The following SGIP1 variants were observed in gnomAD, a reference collection of about 807,000 sequenced individuals.
SGIP1 encodes the protein SH3GL interacting endocytic adaptor 1.
SGIP1 carries 38 observed loss-of-function variants against 107.5 expected under a neutral mutation model. The observed-to-expected ratio is 0.35, with a 90% CI of 0.27 to 0.46. SGIP1 has a LOEUF of 0.46. Among genes scored for constraint, SGIP1 ranks in the 20% least tolerant of loss-of-function variants. SGIP1 has a pLI of 1.00. For missense variants in SGIP1, 929 were observed against 1,019.5 expected (o/e 0.91, Z 1.21); for synonymous variants, 365 against 366.1 (o/e 1.00, Z 0.03).
intron 1 of SGIP1, among the ~76,000 whole-genome samples, chr1:66,608,303 T>G (rs976222041): frequency 6.6e-6 from 1 of 152,238 alleles, no homozygotes; most frequent in Non-Finnish European, 1.5e-5. Context: ...TTTCACAGAA[T>G]CTTATTTTCT....
intron 2 of SGIP1, 50 bp downstream of exon 2, chr1:66,625,960 A>T (rs1359463564): frequency 6.9e-7 from 1 of 1,439,084 alleles, no homozygotes; most frequent in East Asian, 2.3e-5. Flanking sequence ...TGCATAAGAG[A>T]TGCTCTTATC....
chr1:66,700,469 C>A (rs2091740518), intron 18 of SGIP1, among the ~76,000 whole-genome samples: 1 of 151,886 alleles, frequency 6.6e-6, no homozygotes, highest in Admixed American at 6.6e-5. Flanking sequence ...CTCATTCAGT[C>A]CTTGCAACAA....
chr1:66,567,212 A>T (rs12034344), intron 1 of SGIP1, among the ~76,000 whole-genome samples: 21,545 of 152,112 alleles, frequency 0.14, 1,946 homozygotes, highest in East Asian at 0.32. Context: ...GACTGGTGTG[A>T]GATGGTATCT....
intron 11 of SGIP1, 111 bp from the exon 12 acceptor site, chr1:66,673,170 T>TGC: frequency 1.9e-6 from 2 of 1,050,260 alleles, no homozygotes; most frequent in African/African-American, 1.6e-5. Context: ...CATGCACTGG[T>TGC]GCACACACAC....
chr1:66,721,922 T>C (rs1441311119), intron 19 of SGIP1, among the ~76,000 whole-genome samples: 2 of 152,168 alleles, frequency 1.3e-5, no homozygotes, highest in Admixed American at 6.5e-5. Context: ...GTCACTCTTC[T>C]GCTCAAAATC....
intron 1 of SGIP1, among the ~76,000 whole-genome samples, chr1:66,624,165 G>A (rs1009994580): frequency 2.0e-5 from 3 of 152,076 alleles, no homozygotes; most frequent in Non-Finnish European, 4.4e-5. Flanking sequence ...TGCTGAATAT[G>A]GCATTCATTG....
intron 1 of SGIP1, among the ~76,000 whole-genome samples, chr1:66,545,094 A>G (rs1422916861): frequency 1.3e-5 from 2 of 152,168 alleles, no homozygotes; most frequent in Admixed American, 1.3e-4. Flanking sequence ...ACATCTGATC[A>G]GACCTTGCTG....
chr1:66,731,175 A>G lies in SGIP1; in HGVS notation c.1898+1756A>G, dbSNP rs147348413. 9.1e-4 allele frequency among the ~76,000 whole-genome samples: 139 copies of G among 152,284 alleles called. No individual in the cohort carries two copies. In the East Asian group the frequency reaches 0.025, roughly 27 times the overall value. On this transcript the variant is annotated intron_variant, in intron 20 of 24. Coordinates refer to ENST00000371037, the MANE Select transcript of SGIP1 (RefSeq NM_032291.4). Reference sequence around the variant, plus strand: ...TTCTTCATTCATCCATCTCCCCCACAAGACTGTGCAAACCGTGAGGGAATG... The same window carrying G: ...TTCTTCATTCATCCATCTCCCCCACGAGACTGTGCAAACCGTGAGGGAATG...
chr1:66,576,912 G>A (rs1439630133), intron 1 of SGIP1, among the ~76,000 whole-genome samples: 1 of 152,190 alleles, frequency 6.6e-6, no homozygotes, highest in Non-Finnish European at 1.5e-5. Flanking sequence ...CCCAAGCAGA[G>A]CTGCTGCCTG....
At chr1:66,698,879 T>G (rs7529763) in intron 18 of SGIP1, among the ~76,000 whole-genome samples, 23,635 of 151,372 alleles carry the variant, frequency 0.16, 2,012 homozygotes, top group East Asian at 0.28. Flanking sequence ...TTAGCTTTTT[T>G]AACTACAAAA....
At chr1:66,675,541 C>CT (rs71242802) in intron 12 of SGIP1, among the ~76,000 whole-genome samples, 2,600 of 112,334 alleles carry the variant, frequency 0.023, 96 homozygotes, top group Non-Finnish European at 0.032. Context: ...CTTTTTCTTT[C>CT]TTTTTTTTTT....
At chr1:66,643,435 T>A in intron 6 of SGIP1, 109 bp from the exon 7 acceptor site, 1 of 827,278 alleles carries the variant, frequency 1.2e-6, no homozygotes. Context: ...TTGCTTTGAT[T>A]TTCTGCCATC....
chr1:66,589,216 A>ATATGTGTGTGTG (rs1553238978), intron 1 of SGIP1, among the ~76,000 whole-genome samples: 5 of 96,422 alleles, frequency 5.2e-5, no homozygotes, highest in African/African-American at 1.6e-4. Context: ...ATATATATAT[A>ATATGTGTGTGTG]TGTAAGGCTT....
chr1:66,561,150 T>C (rs1221090565), intron 1 of SGIP1, among the ~76,000 whole-genome samples: 11 of 152,078 alleles, frequency 7.2e-5, no homozygotes, highest in Admixed American at 7.2e-4. Context: ...CATTGTCTCA[T>C]TGAAGCCTCA....
At chr1:66,739,644 C>T (rs473470) in intron 22 of SGIP1, 107 bp downstream of exon 22, 774,683 of 1,138,832 alleles carry the variant, frequency 0.68, 269,960 homozygotes, top group African/African-American at 0.78. Context: ...CAGGCCTGTG[C>T]ATTAGGGTTC....
Position 66,689,200 on chromosome 1 carries a change from C to T in SGIP1, c.1368C>T (p.Thr456=), listed in dbSNP as rs2089258163. 6.2e-7 allele frequency: 1 copy of T among 1,613,696 alleles called. No homozygotes were observed. The highest frequency in any genetic ancestry group is 1.7e-5 in the Admixed American group (1 of 59,974). ...CTCCTTTGGTTCCTTGCAGAAGTAC[C>T]ACTCCACCTCCACCTCCTCCCCGGC... ...PATPLVPCRS[T]TPPPPPPRPP... is the part of the protein sequence containing the mutation. The change falls in exon 16 of 25, where the codon ACC becomes ACT. Residue 456 remains threonine, a synonymous_variant. Transcript: ENST00000371037.
chr1:66,681,098 G>T (rs746315919), intron 14 of SGIP1, among the ~76,000 whole-genome samples: 3 of 152,166 alleles, frequency 2.0e-5, no homozygotes, highest in Non-Finnish European at 4.4e-5. Context: ...AATGAGAAAA[G>T]AAATTATTTA....
intron 1 of SGIP1, among the ~76,000 whole-genome samples, chr1:66,624,797 T>G (rs1453182956): frequency 6.6e-6 from 1 of 152,196 alleles, no homozygotes; most frequent in Admixed American, 6.6e-5. Flanking sequence ...AAACATTTAG[T>G]ATATTTGAAT....
chr1:66,574,178 C>T (rs549094897), intron 1 of SGIP1, among the ~76,000 whole-genome samples: 213 of 152,270 alleles, frequency 1.4e-3, no homozygotes, highest in African/African-American at 5.1e-3. Context: ...CCTCTGTAAT[C>T]ATCTGGCAGA....
Sources: gnomAD v4.1 joint callset for allele counts (sites outside exome capture counted in the v4.1 genomes callset) on GRCh38, gnomAD v4.1.1 for gene constraint, MANE v1.5 for transcripts, NCBI Gene and HGNC (gene_info 2026-07-23, HGNC 2026-07-21) for gene names.